Variants in CORO7 observed in about 807,000 individuals in gnomAD.
The protein encoded by CORO7 is coronin 7, also known as coronin-7.
CORO7 carries 107 observed loss-of-function variants against 126.6 expected under a neutral mutation model. That is an observed-to-expected ratio of 0.85 (90% CI 0.72 to 0.99). CORO7 has a LOEUF of 0.99. Among genes scored for constraint, CORO7 ranks in the 50% least tolerant of loss-of-function variants. The pLI is 0.00. For missense variants in CORO7, 1,314 were observed against 1,255.8 expected (o/e 1.05, Z -0.70); for synonymous variants, 603 against 536.8 (o/e 1.12, Z -1.70).
At chr16:4,385,913 G>A (rs367958710) in intron 9 of CORO7, among the ~76,000 whole-genome samples, 1 of 152,354 alleles carries the variant, frequency 6.6e-6, no homozygotes, top group South Asian at 2.1e-4. Flanking sequence ...GAGGGTGGTG[G>A]AGTGGATGCA....
In CORO7 at chr16:4,361,263, CAG is replaced by C. The variant is rs780481656; in HGVS notation, c.1688-17_1688-16del. ...GTCCTCACCAGCTGCAGAGGACAGA[CAG>C]GGGCTCATCATTGCTGAGCCCAAGA... On this transcript the variant is annotated splice_polypyrimidine_tract_variant and intron_variant, in intron 17 of 27. Transcript: ENST00000251166. The C allele has an allele frequency of 7.4e-6, 12 of 1,612,290 alleles. No individual in the cohort carries two copies. Among genetic ancestry groups the C allele is most frequent in the African/African-American group, 2.7e-5 (2 of 74,934 alleles).
Position 4,355,056 on chromosome 16 carries a change from A to G in CORO7, c.*102T>C, listed in dbSNP as rs2053928668. ...GGGAAGGCAGGAGTGCAGGGGTGACATGTGCCGGGGCCAGAGAGGTATCTT... is the reference window on the plus strand; with the variant it reads ...GGGAAGGCAGGAGTGCAGGGGTGACGTGTGCCGGGGCCAGAGAGGTATCTT... On this transcript the variant is annotated 3_prime_UTR_variant, in exon 28 of 28. Coordinates refer to ENST00000251166, the MANE Select transcript of CORO7 (RefSeq NM_024535.5). The G allele has an allele frequency of 7.6e-7, 1 of 1,323,272 alleles. No homozygotes were observed. Among genetic ancestry groups the G allele is most frequent in the Non-Finnish European group, 1.0e-6 (1 of 993,334 alleles). 82.0% of individuals were successfully genotyped at this position (1,323,272 alleles called of 1,614,324 possible). A position where few individuals can be genotyped will look rare whatever the true frequency, so the allele number is the denominator to read the frequency against.
At chr16:4,355,228 C>T (rs372917360) in intron 27 of CORO7, 58 bp downstream of exon 27, 10 of 1,603,640 alleles carry the variant, frequency 6.2e-6, no homozygotes, top group African/African-American at 5.4e-5. Context: ...AGGCATGCAC[C>T]GTGGCATGTG....
Position 4,364,282 on chromosome 16 carries a change from G to C in CORO7, c.1269C>G (p.Asp423Glu), listed in dbSNP as rs199760152. Residue 423 changes from aspartate to glutamate, a missense_variant, in exon 14 of 28, where the codon GAC becomes GAG. Transcript: ENST00000251166. ...AVMETPVGDA[D>E]ASEGFSSPPS... ...GGGCGGCCCTGGTACTTACGCTTGC[G>C]TCTGCATCACCCACGGGTGTCTCCA... is the stretch of plus-strand genomic sequence containing the variant. 60 of 1,550,210 alleles carry C rather than the reference G, an allele frequency of 3.9e-5. No homozygotes were observed. The East Asian group carries it at 1.3e-3, about 34-fold the overall frequency.
intron 5 of CORO7, 142 bp downstream of exon 5, chr16:4,407,359 G>A: frequency 3.1e-6 from 3 of 960,462 alleles, no homozygotes; most frequent in Non-Finnish European, 3.0e-6. Flanking sequence ...CAGCCTCATA[G>A]AATCTTAAGA....
In CORO7 at chr16:4,359,604, A is replaced by G; in HGVS notation, c.2126T>C (p.Leu709Pro). ...SGFDSQSERQ[L>P]LLYEAEALAG... ...CAGGGCCTCAGCTTCATATAGGAGC[A>G]GCTGGCGCTCACTTTGGCTGCAAGG... The change falls in exon 22 of 28, where the codon CTG (leucine) becomes CCG (proline). Residue 709 changes from leucine to proline, a missense_variant. Coordinates refer to ENST00000251166, the MANE Select transcript of CORO7 (RefSeq NM_024535.5). 1 of 1,602,864 alleles carries G rather than the reference A, an allele frequency of 6.2e-7. No individual in the cohort carries two copies. The highest frequency in any genetic ancestry group is 1.3e-5 in the African/African-American group (1 of 74,844).
intron 7 of CORO7, among the ~76,000 whole-genome samples, chr16:4,391,562 C>A (rs969674441): frequency 1.3e-5 from 2 of 152,092 alleles, no homozygotes; most frequent in Non-Finnish European, 2.9e-5. Context: ...TCTCAAAAAA[C>A]AAACAAACAA....
At chr16:4,381,162 C>G (rs1249091065) in intron 9 of CORO7, 2 of 1,611,188 alleles carry the variant, frequency 1.2e-6, no homozygotes, top group Non-Finnish European at 1.7e-6. Context: ...CCAGCGGGGT[C>G]TTCCAGCCAC....
chr16:4,411,976 C>T (rs1462403933), intron 3 of CORO7, among the ~76,000 whole-genome samples: 1 of 151,944 alleles, frequency 6.6e-6, no homozygotes, highest in Non-Finnish European at 1.5e-5. Flanking sequence ...CCTTGGAGGG[C>T]CCCGAGCGGC....
At position 4,359,301 on chromosome 16, in the gene CORO7, G is replaced by T. The variant is rs770358307; in HGVS notation, c.2335C>A (p.His779Asn). The change falls in exon 23 of 28, where the codon CAC becomes AAC. Residue 779 changes from histidine (H) to asparagine (N), a missense_variant. Transcript: ENST00000251166. ...AGGCGCCAGGGTGGCCTCACCTTGTGGGGGTCAGGCGACGTGAAGCTGTTG... is the reference window on the plus strand; with the variant it reads ...AGGCGCCAGGGTGGCCTCACCTTGTTGGGGTCAGGCGACGTGAAGCTGTTG... The part of the protein sequence containing the change: ...ECNSFTSPDP[H>N]KGLVLLPKTE... 8 of 1,605,040 alleles carry T rather than the reference G, an allele frequency of 5.0e-6. No individual in the cohort carries two copies. The highest frequency in any genetic ancestry group is 3.3e-4 in the Middle Eastern group (2 of 6,052).
intron 9 of CORO7, 147 bp downstream of exon 9, chr16:4,387,838 GT>G: frequency 1.0e-6 from 1 of 960,534 alleles, no homozygotes; most frequent in Non-Finnish European, 1.6e-6. Flanking sequence ...AGGGCCAGGT[GT>G]CTGTTGCAAG....
At chr16:4,373,282 C>T (rs182415803) in intron 9 of CORO7, among the ~76,000 whole-genome samples, 317 of 152,202 alleles carry the variant, frequency 2.1e-3, no homozygotes, top group Non-Finnish European at 3.8e-3. Context: ...AGACCATTAT[C>T]TAGCCTCCCC....
chr16:4,356,249 G>A (rs1567239556), intron 26 of CORO7, among the ~76,000 whole-genome samples: 1 of 152,012 alleles, frequency 6.6e-6, no homozygotes, highest in Non-Finnish European at 1.5e-5. Flanking sequence ...CACCATGCCT[G>A]GCCACACCTG....
intron 7 of CORO7, among the ~76,000 whole-genome samples, chr16:4,394,925 C>T (rs922698761): frequency 2.6e-5 from 4 of 152,334 alleles, no homozygotes; most frequent in Admixed American, 2.6e-4. Context: ...CTGCAGAGGA[C>T]AGGGGTTGTT....
intron 9 of CORO7, among the ~76,000 whole-genome samples, chr16:4,365,951 C>T (rs1310179577): frequency 1.3e-5 from 2 of 152,218 alleles, no homozygotes; most frequent in Non-Finnish European, 2.9e-5. Context: ...AGCCTCCCGT[C>T]CCCACTCGGC....
At chr16:4,388,877 C>T (rs1449494344) in intron 7 of CORO7, among the ~76,000 whole-genome samples, 2 of 152,208 alleles carry the variant, frequency 1.3e-5, no homozygotes, top group African/African-American at 4.8e-5. Flanking sequence ...AACCTGGCTG[C>T]TCCTCCCGAG....
At chr16:4,373,234 G>C (rs900959346) in intron 9 of CORO7, among the ~76,000 whole-genome samples, 1 of 152,168 alleles carries the variant, frequency 6.6e-6, no homozygotes, top group South Asian at 2.1e-4. Context: ...GAGGCAGGAA[G>C]AGGCTCTGGT....
In CORO7 at chr16:4,364,787, A is replaced by G. The variant is rs1372503288; in HGVS notation, c.1032T>C (p.His344=). The change falls in exon 12 of 28, where the codon CAT becomes CAC. Residue 344 remains histidine (H), a synonymous_variant. Coordinates refer to ENST00000251166, the MANE Select transcript of CORO7 (RefSeq NM_024535.5). ...SDTAIVPIGY[H]VPRKAVEFHE... ...AAGTCCCCCTCACCTTGCGGGGCAC[A>G]TGGTAGCCGATGGGCACGATGGCTG... The G allele has an allele frequency of 2.9e-5, 46 of 1,611,104 alleles. No individual in the cohort carries two copies. The highest frequency in any genetic ancestry group is 3.7e-5 in the Non-Finnish European group (44 of 1,179,378).
chr16:4,359,501 G>C lies in CORO7; in HGVS notation c.2229C>G (p.Gly743=), dbSNP rs150350387. Residue 743 remains glycine, a synonymous_variant, in exon 22 of 28, where the codon GGC becomes GGG. Coordinates refer to ENST00000251166, the MANE Select transcript of CORO7 (RefSeq NM_024535.5). ...TLLPSYDPDT[G]LVLLTGKGDT... ...CCACCTTGCCGGTCAGGAGCACCAG[G>C]CCAGTGTCTGGGTCGTAGCTGGGCA... 5.0e-6 allele frequency: 8 copies of C among 1,613,496 alleles called. No individual in the cohort carries two copies. In the African/African-American group the frequency reaches 8.0e-5, roughly 16 times the overall value.
Sources: gnomAD v4.1 joint callset for allele counts (sites outside exome capture counted in the v4.1 genomes callset) on GRCh38, gnomAD v4.1.1 for gene constraint, MANE v1.5 for transcripts, NCBI Gene and HGNC (gene_info 2026-07-23, HGNC 2026-07-21) for gene names.